Variants in PLCL1 observed in about 807,000 individuals in gnomAD.
PLCL1 encodes phospholipase C like 1 (inactive), also known as inactive phospholipase C-like protein 1.
In PLCL1, 41 loss-of-function variants were observed where a neutral mutation model predicts 84.4. The ratio of observed to expected loss-of-function variants is 0.49; its 90% confidence interval spans 0.38 to 0.63. PLCL1 has a LOEUF of 0.63. Among genes scored for constraint, PLCL1 ranks in the 30% least tolerant of loss-of-function variants. The probability of loss-of-function intolerance (pLI) is 0.00; values close to 1 mark genes in which losing one functional copy is unlikely to be tolerated. For missense variants in PLCL1, 1,206 were observed against 1,367.8 expected (o/e 0.88, Z 1.87); for synonymous variants, 490 against 488.3 (o/e 1.00, Z -0.05).
At chr2:197,890,701 T>TATATATATATATATATATATATATACAC (rs11270566) in intron 1 of PLCL1, among the ~76,000 whole-genome samples, 28 of 118,552 alleles carry the variant, frequency 2.4e-4, no homozygotes, top group African/African-American at 8.0e-4. Context: ...TATATATATA[T>TATATATATATATATATATATATATACAC]ACACACACAC....
intron 1 of PLCL1, among the ~76,000 whole-genome samples, chr2:198,022,999 T>C (rs953915965): frequency 6.6e-6 from 1 of 152,154 alleles, no homozygotes; most frequent in African/African-American, 2.4e-5. Flanking sequence ...CTTCAAACTA[T>C]ACTGCAAGGC....
chr2:197,834,939 C>T (rs1441233712), intron 1 of PLCL1, among the ~76,000 whole-genome samples: 2 of 152,128 alleles, frequency 1.3e-5, no homozygotes, highest in African/African-American at 2.4e-5. Flanking sequence ...GAAAATGTGG[C>T]ACATGTATAC....
chr2:197,960,811 G>A (rs1689604872), intron 1 of PLCL1, among the ~76,000 whole-genome samples: 1 of 152,034 alleles, frequency 6.6e-6, no homozygotes, highest in South Asian at 2.1e-4. Flanking sequence ...CATATGGTTT[G>A]CAAACAAGCT....
intron 1 of PLCL1, among the ~76,000 whole-genome samples, chr2:197,855,912 A>C (rs926804797): frequency 1.3e-5 from 2 of 152,156 alleles, no homozygotes; most frequent in Non-Finnish European, 2.9e-5. Flanking sequence ...CAAATGTGCC[A>C]TTGGAGCACC....
chr2:197,917,534 T>C (rs532602942), intron 1 of PLCL1, among the ~76,000 whole-genome samples: 1 of 152,316 alleles, frequency 6.6e-6, no homozygotes, highest in Non-Finnish European at 1.5e-5. Flanking sequence ...TTGTATGATA[T>C]TGTAATTATG....
Position 198,051,970 on chromosome 2 carries a change from C to A in PLCL1, c.241-31788C>A, listed in dbSNP as rs111500120. Among the ~76,000 whole-genome samples, 923 of 151,988 alleles carry A rather than the reference C, an allele frequency of 6.1e-3. 17 individuals carry two copies. Among genetic ancestry groups the A allele is most frequent in the African/African-American group, 0.021 (877 of 41,410 alleles). On this transcript the variant is annotated intron_variant, in intron 1 of 5. Transcript: ENST00000428675. ...TGTTGTCCAGGCTGGAGTGCAATGG[C>A]GTGATCTTGGCTCACCACAACCTCC...
At chr2:197,838,789 G>T (rs915866962) in intron 1 of PLCL1, among the ~76,000 whole-genome samples, 16 of 152,324 alleles carry the variant, frequency 1.1e-4, no homozygotes, top group African/African-American at 3.4e-4. Flanking sequence ...GCCTGGATGT[G>T]TCAAGCCCAT....
At chr2:197,846,461 G>C (rs1367444147) in intron 1 of PLCL1, among the ~76,000 whole-genome samples, 2 of 152,104 alleles carry the variant, frequency 1.3e-5, no homozygotes, top group African/African-American at 4.8e-5. Flanking sequence ...CAGATGACCA[G>C]AAGGCAAATC....
intron 1 of PLCL1, among the ~76,000 whole-genome samples, chr2:197,939,722 T>G (rs1377913601): frequency 2.0e-5 from 3 of 150,150 alleles, no homozygotes; most frequent in Non-Finnish European, 4.5e-5. Flanking sequence ...ACAGACTTTT[T>G]TTTTTTTTTT....
At chr2:198,050,207 G>C (rs575224196) in intron 1 of PLCL1, among the ~76,000 whole-genome samples, 1 of 152,282 alleles carries the variant, frequency 6.6e-6, no homozygotes, top group South Asian at 2.1e-4. Context: ...CAGGACATCT[G>C]TCTGCCGAGG....
rs1689774343 is a variant in PLCL1, at chr2:197,967,789, G to T, written c.241-115969G>T. Among the ~76,000 whole-genome samples, 5 of 152,124 alleles carry T rather than the reference G, an allele frequency of 3.3e-5. No individual in the cohort carries two copies. In the South Asian group the frequency reaches 1.0e-3, roughly 32 times the overall value. Reference sequence around the variant, plus strand: ...CCCTTTAAATGCTGAACTTTATCATGCATATGAACTTTGAATTATTTTTGT... The same window carrying T: ...CCCTTTAAATGCTGAACTTTATCATTCATATGAACTTTGAATTATTTTTGT... On this transcript the variant is annotated intron_variant, in intron 1 of 5. Coordinates refer to ENST00000428675, the MANE Select transcript of PLCL1 (RefSeq NM_006226.4).
At position 197,805,274 on chromosome 2, in the gene PLCL1, G is replaced by A; in HGVS notation, c.175G>A (p.Ala59Thr). 7.8e-7 allele frequency: 1 copy of A among 1,285,050 alleles called. No individual in the cohort carries two copies. The highest frequency in any genetic ancestry group is 9.8e-7 in the Non-Finnish European group (1 of 1,017,998). 79.6% of individuals were successfully genotyped at this position (1,285,050 alleles called of 1,614,324 possible). Residue 59 changes from alanine (A) to threonine (T), a missense_variant, in exon 1 of 6, where the codon GCG (alanine) becomes ACG (threonine). By Grantham distance (58) the Ala-to-Thr change is moderately conservative. Coordinates refer to ENST00000428675, the MANE Select transcript of PLCL1 (RefSeq NM_006226.4). The surrounding 1 kb of genome is among the most constrained non-coding windows in gnomAD (Gnocchi z 4.0). The part of the protein sequence containing the change: ...VALPGAAGTP[A>T]DSEAGLLEAA... ...ACTGCCAGGCGCCGCGGGGACCCCA[G>A]CGGACAGCGAGGCGGGCCTCCTGGA...
chr2:197,825,447 C>G (rs546730048), intron 1 of PLCL1, among the ~76,000 whole-genome samples: 2 of 152,276 alleles, frequency 1.3e-5, no homozygotes, highest in South Asian at 2.1e-4. Context: ...ATCCTATAAA[C>G]AGTGGGAAAT....
chr2:197,838,340 C>T (rs1691231706), intron 1 of PLCL1, among the ~76,000 whole-genome samples: 2 of 152,216 alleles, frequency 1.3e-5, no homozygotes, highest in Non-Finnish European at 2.9e-5. Flanking sequence ...CAAAGAAAAA[C>T]ACTTAACCAA....
rs189999783 is a variant in PLCL1 at position 198,066,327 on chromosome 2, C to A, written c.241-17431C>A. On this transcript the variant is annotated intron_variant, in intron 1 of 5. Transcript: ENST00000428675. ...CAATTGTATTCTTAATACTCTAGAG[C>A]CACTTACAAATCTGTTCCTTCTATA... Among the ~76,000 whole-genome samples the A allele has an allele frequency of 5.9e-5, 9 of 152,228 alleles. No homozygotes were observed. The East Asian group carries it at 1.4e-3, about 23-fold the overall frequency.
At chr2:197,929,197 A>C (rs961851076) in intron 1 of PLCL1, among the ~76,000 whole-genome samples, 1 of 152,172 alleles carries the variant, frequency 6.6e-6, no homozygotes, top group African/African-American at 2.4e-5. Flanking sequence ...TTTATATAAG[A>C]GACTTGAGCA....
chr2:197,852,876 A>T (rs1026781291), intron 1 of PLCL1, among the ~76,000 whole-genome samples: 1 of 152,070 alleles, frequency 6.6e-6, no homozygotes, highest in Non-Finnish European at 1.5e-5. Flanking sequence ...TATTATGGTA[A>T]ATATATTTAA....
chr2:197,825,689 G>C (rs1358560688), intron 1 of PLCL1, among the ~76,000 whole-genome samples: 19 of 152,182 alleles, frequency 1.2e-4, no homozygotes, highest in Admixed American at 1.2e-3. Flanking sequence ...TTAAGTCTTT[G>C]AGAGACAGCG....
At chr2:197,963,446 C>T (rs760229300) in intron 1 of PLCL1, among the ~76,000 whole-genome samples, 42 of 151,844 alleles carry the variant, frequency 2.8e-4, no homozygotes, top group Non-Finnish European at 5.5e-4. Flanking sequence ...AGATTTTTTC[C>T]TATAGAGTTG....
Sources: allele counts gnomAD v4.1 joint callset (sites outside exome capture counted in the v4.1 genomes callset), GRCh38; gene constraint gnomAD v4.1.1; non-coding constraint Gnocchi (gnomAD v3.1); transcripts MANE v1.5; gene names NCBI Gene and HGNC (gene_info 2026-07-23, HGNC 2026-07-21).